HTR1F: variants seen among roughly 807,000 people sequenced by gnomAD.
The protein encoded by HTR1F is 5-hydroxytryptamine receptor 1F.
A neutral mutation model predicts 24.0 loss-of-function variants in HTR1F; 17 were observed. The ratio of observed to expected loss-of-function variants is 0.71; its 90% CI spans 0.48 to 1.06. The LOEUF is 1.06. Among genes scored for constraint, HTR1F ranks in the 50% least tolerant of loss-of-function variants. The pLI is 0.00. For missense variants in HTR1F, 391 were observed against 427.8 expected (o/e 0.91, Z 0.76); for synonymous variants, 186 against 156.8 (o/e 1.19, Z -1.39).
intron 2 of HTR1F, among the ~76,000 whole-genome samples, chr3:87,932,749 C>T (rs7636081): frequency 0.95 from 142,854 of 151,144 alleles, 67,609 homozygotes; most frequent in Admixed American, 0.97. Flanking sequence ...ACCAGATGGA[C>T]TCACAGCCGA....
intron 1 of HTR1F, among the ~76,000 whole-genome samples, chr3:87,810,316 A>G (rs1704139479): frequency 6.6e-6 from 1 of 152,132 alleles, no homozygotes; most frequent in Non-Finnish European, 1.5e-5. Context: ...CGGAAATGTC[A>G]TTGTTCATTC....
chr3:87,820,870 A>G (rs758877331), intron 1 of HTR1F, among the ~76,000 whole-genome samples: 15 of 152,156 alleles, frequency 9.9e-5, no homozygotes, highest in Non-Finnish European at 1.9e-4. Context: ...CTATTAACTC[A>G]GGTAAATCAA....
chr3:87,871,936 T>C (rs1354381302), intron 2 of HTR1F, among the ~76,000 whole-genome samples: 1 of 152,022 alleles, frequency 6.6e-6, no homozygotes, highest in South Asian at 2.1e-4. Context: ...GAGAATATTC[T>C]ACCCAACAAC....
At chr3:87,939,797 T>C (rs1398214732) in intron 2 of HTR1F, among the ~76,000 whole-genome samples, 3 of 152,222 alleles carry the variant, frequency 2.0e-5, no homozygotes, top group African/African-American at 7.2e-5. Flanking sequence ...ATTTTGACAA[T>C]CTTTTCACAA....
chr3:87,970,622 T>C (rs1705265503), intron 2 of HTR1F, among the ~76,000 whole-genome samples: 1 of 152,184 alleles, frequency 6.6e-6, no homozygotes, highest in Non-Finnish European at 1.5e-5. Context: ...CTGTGATCAA[T>C]TGGAAAAGAT....
At chr3:87,945,533 A>G (rs1157204947) in intron 2 of HTR1F, among the ~76,000 whole-genome samples, 3 of 152,192 alleles carry the variant, frequency 2.0e-5, no homozygotes, top group Non-Finnish European at 4.4e-5. Context: ...TGGCTGCGCC[A>G]TGATGTCAAC....
intron 2 of HTR1F, among the ~76,000 whole-genome samples, chr3:87,898,834 T>C (rs1706258378): frequency 6.6e-6 from 1 of 152,180 alleles, no homozygotes; most frequent in African/African-American, 2.4e-5. Flanking sequence ...CAGAGAAATC[T>C]AAATTGTATT....
At chr3:87,864,425 A>G (rs1424530184) in intron 2 of HTR1F, among the ~76,000 whole-genome samples, 2 of 152,132 alleles carry the variant, frequency 1.3e-5, no homozygotes, top group African/African-American at 2.4e-5. Context: ...TTATACATAG[A>G]ATTCAGGGCC....
At chr3:87,941,922 G>T (rs2343781) in intron 2 of HTR1F, among the ~76,000 whole-genome samples, 1 of 152,098 alleles carries the variant, frequency 6.6e-6, no homozygotes, top group African/African-American at 2.4e-5. Context: ...CTATTGCATG[G>T]TTTTACTAGG....
At chr3:87,792,869 C>T (rs903793857) in intron 1 of HTR1F, among the ~76,000 whole-genome samples, 27 bp downstream of exon 1, 13 of 152,166 alleles carry the variant, frequency 8.5e-5, no homozygotes, top group Admixed American at 1.3e-4. Context: ...GCGCTGAGCC[C>T]GGGAGTGCGG....
intron 2 of HTR1F, among the ~76,000 whole-genome samples, chr3:87,859,962 T>C (rs923704378): frequency 6.6e-6 from 1 of 152,116 alleles, no homozygotes. Context: ...TCCAATAGAC[T>C]CCAAAACAAA....
intron 2 of HTR1F, among the ~76,000 whole-genome samples, chr3:87,840,549 C>T (rs895782270): frequency 6.6e-6 from 1 of 151,738 alleles, no homozygotes; most frequent in African/African-American, 2.4e-5. Flanking sequence ...AAGCTTCCCA[C>T]AATAATAATA....
chr3:87,812,329 C>T (rs1350349178), intron 1 of HTR1F, among the ~76,000 whole-genome samples: 1 of 152,060 alleles, frequency 6.6e-6, no homozygotes, highest in Non-Finnish European at 1.5e-5. Flanking sequence ...ACAATGAAGT[C>T]CAGGCTGAGG....
chr3:87,891,082 C>G (rs769775145), intron 2 of HTR1F, among the ~76,000 whole-genome samples: 1 of 152,188 alleles, frequency 6.6e-6, no homozygotes, highest in Middle Eastern at 3.4e-3. Context: ...CTCAGGTGAT[C>G]CCCCTGCCTC....
intron 2 of HTR1F, among the ~76,000 whole-genome samples, chr3:87,865,306 A>G (rs771783610): frequency 7.9e-5 from 12 of 152,104 alleles, no homozygotes; most frequent in Non-Finnish European, 1.0e-4. Context: ...TTAGGAAAAT[A>G]TTTTTATTGA....
rs547776523 is a variant in HTR1F, at chr3:87,959,147, C to T, written c.-42-31561C>T. On this transcript the variant is annotated intron_variant, in intron 2 of 2. Coordinates refer to ENST00000319595, the MANE Select transcript of HTR1F (RefSeq NM_001322209.2). ...CACTCAAGCAGAAAATATTACCATT[C>T]TGAGGAAGACAATAGCATATAATGG... 2.0e-5 allele frequency among the ~76,000 whole-genome samples: 3 copies of T among 151,830 alleles called. No individual in the cohort carries two copies. In the South Asian group the frequency reaches 6.2e-4, roughly 32 times the overall value.
chr3:87,886,782 A>C (rs1392709624), intron 2 of HTR1F, among the ~76,000 whole-genome samples: 19 of 152,292 alleles, frequency 1.2e-4, no homozygotes. Flanking sequence ...AGGGATGTGA[A>C]GGACCTCTTC....
chr3:87,982,034 T>C (rs1705555350), intron 2 of HTR1F, among the ~76,000 whole-genome samples: 2 of 152,072 alleles, frequency 1.3e-5, no homozygotes, highest in African/African-American at 4.8e-5. Flanking sequence ...GCAGTTCTCA[T>C]GTCCAAGCTT....
intron 2 of HTR1F, among the ~76,000 whole-genome samples, chr3:87,857,849 C>G (rs532150037): frequency 6.6e-6 from 1 of 152,268 alleles, no homozygotes; most frequent in African/African-American, 2.4e-5. Flanking sequence ...AACATATTCA[C>G]AGGCTCTGGG....
Sources: allele counts gnomAD v4.1 joint callset (sites outside exome capture counted in the v4.1 genomes callset), GRCh38; gene constraint gnomAD v4.1.1; transcripts MANE v1.5; gene names NCBI Gene and HGNC (gene_info 2026-07-23, HGNC 2026-07-21).